SPAG16: variants seen among roughly 807,000 people sequenced by gnomAD.
SPAG16 encodes the protein sperm associated antigen 16.
A neutral mutation model predicts 80.4 loss-of-function variants in SPAG16; 86 were observed. The ratio of observed to expected loss-of-function variants is 1.07; its 90% CI spans 0.90 to 1.28. SPAG16 has a LOEUF of 1.28. SPAG16 is among the 50% of genes most tolerant of loss of function. SPAG16 has a pLI of 0.00. For missense variants in SPAG16, 870 were observed against 765.3 expected, an observed-to-expected ratio of 1.14 and a Z score of -1.61; for synonymous variants, 294 against 265.9, an observed-to-expected ratio of 1.11 and a Z score of -1.03.
chr2:213,619,503 A>G (rs2061702132), intron 10 of SPAG16, among the ~76,000 whole-genome samples: 1 of 152,208 alleles, frequency 6.6e-6, no homozygotes, highest in South Asian at 2.1e-4. Flanking sequence ...AAAACGGGCA[A>G]AGCGTATGAA....
At chr2:214,065,175 T>A (rs1158160406) in intron 13 of SPAG16, among the ~76,000 whole-genome samples, 2 of 152,068 alleles carry the variant, frequency 1.3e-5, no homozygotes, top group Non-Finnish European at 2.9e-5. Flanking sequence ...GAATCAACAC[T>A]TATATATTAT....
chr2:213,571,968 C>T (rs1230341555), intron 10 of SPAG16, among the ~76,000 whole-genome samples: 2 of 129,422 alleles, frequency 1.5e-5, no homozygotes. Context: ...AACTTCCCTT[C>T]TCGCTTCATT....
chr2:214,250,755 TATAGAG>T (rs1306349833), intron 15 of SPAG16, among the ~76,000 whole-genome samples: 1,487 of 96,610 alleles, frequency 0.015, 34 homozygotes, highest in Admixed American at 0.078. Context: ...TATATATATA[TATAGAG>T]AGAGAGAGAG....
chr2:213,666,954 CCAGTTGTAGAATG>C (rs1316905607), intron 10 of SPAG16, among the ~76,000 whole-genome samples: 1 of 152,074 alleles, frequency 6.6e-6, no homozygotes, highest in Non-Finnish European at 1.5e-5. Context: ...GCACCATAAA[CCAGTTGTAGAATG>C]CATTTCTATG....
intron 9 of SPAG16, among the ~76,000 whole-genome samples, chr2:213,463,737 T>G (rs2072515710): frequency 6.6e-6 from 1 of 152,264 alleles, no homozygotes; most frequent in Non-Finnish European, 1.5e-5. Context: ...GGAGCCCTCA[T>G]GGAGAAACTC....
At chr2:213,672,992 T>G (rs187629241) in intron 10 of SPAG16, among the ~76,000 whole-genome samples, 1 of 152,132 alleles carries the variant, frequency 6.6e-6, no homozygotes, top group East Asian at 1.9e-4. Flanking sequence ...GATCAGGTCT[T>G]TAACTTGATC....
At chr2:213,912,902 A>G (rs980815643) in intron 11 of SPAG16, among the ~76,000 whole-genome samples, 1 of 152,196 alleles carries the variant, frequency 6.6e-6, no homozygotes, top group Non-Finnish European at 1.5e-5. Flanking sequence ...ATAGACTTCA[A>G]ATTTCAAATA....
intron 12 of SPAG16, among the ~76,000 whole-genome samples, chr2:213,988,009 AAACT>A (rs2046102084): frequency 6.6e-6 from 1 of 151,772 alleles, no homozygotes; most frequent in African/African-American, 2.4e-5. Flanking sequence ...ATACTTGCAA[AAACT>A]AACCAGCTGA....
At chr2:213,420,519 G>T (rs750283341) in intron 9 of SPAG16, among the ~76,000 whole-genome samples, 1 of 152,150 alleles carries the variant, frequency 6.6e-6, no homozygotes, top group Non-Finnish European at 1.5e-5. Context: ...AAAGTCAAAG[G>T]CCAAGAAAAT....
At chr2:213,656,176 A>G (rs2063213784) in intron 10 of SPAG16, among the ~76,000 whole-genome samples, 1 of 152,212 alleles carries the variant, frequency 6.6e-6, no homozygotes, top group African/African-American at 2.4e-5. Context: ...ATTATGCACA[A>G]GTATTAATTG....
intron 10 of SPAG16, among the ~76,000 whole-genome samples, chr2:213,525,106 T>G (rs2075837427): frequency 1.3e-5 from 2 of 152,008 alleles, no homozygotes; most frequent in Admixed American, 1.3e-4. Flanking sequence ...ATAGTGAGTG[T>G]GTTCTTACAA....
chr2:213,544,134 G>A (rs1260326200), intron 10 of SPAG16, among the ~76,000 whole-genome samples: 1 of 151,292 alleles, frequency 6.6e-6, no homozygotes, highest in Non-Finnish European at 1.5e-5. Context: ...TTCTCTCCTA[G>A]TTAGTCCATC....
chr2:213,611,172 G>T (rs1444129498), intron 10 of SPAG16, among the ~76,000 whole-genome samples: 1 of 152,132 alleles, frequency 6.6e-6, no homozygotes, highest in Admixed American at 6.5e-5. Flanking sequence ...CTCATGTGTT[G>T]TCCCTCCCAC....
At chr2:213,501,904 C>T (rs2074759241) in intron 10 of SPAG16, among the ~76,000 whole-genome samples, 1 of 152,048 alleles carries the variant, frequency 6.6e-6, no homozygotes, top group African/African-American at 2.4e-5. Context: ...AACAAGCCAA[C>T]AAAAAATTCC....
chr2:214,328,214 G>C (rs1047549459), intron 15 of SPAG16, among the ~76,000 whole-genome samples: 6 of 151,324 alleles, frequency 4.0e-5, no homozygotes, highest in African/African-American at 1.5e-4. Flanking sequence ...GGAATGCAGT[G>C]GTGCGATCTT....
intron 15 of SPAG16, among the ~76,000 whole-genome samples, chr2:214,321,080 C>G (rs993305521): frequency 6.6e-6 from 1 of 152,090 alleles, no homozygotes; most frequent in African/African-American, 2.4e-5. Flanking sequence ...CTACAGTAAG[C>G]TGTACTTGGT....
At chr2:213,689,074 C>T (rs1018362285) in intron 10 of SPAG16, among the ~76,000 whole-genome samples, 1 of 152,182 alleles carries the variant, frequency 6.6e-6, no homozygotes, top group South Asian at 2.1e-4. Context: ...ATTCTCCTGC[C>T]TCAGCCTCCT....
At chr2:214,292,746 A>G (rs1693886679) in intron 15 of SPAG16, among the ~76,000 whole-genome samples, 1 of 152,120 alleles carries the variant, frequency 6.6e-6, no homozygotes, top group South Asian at 2.1e-4. Context: ...CCTCACATTG[A>G]TATCTGTGCA....
intron 14 of SPAG16, among the ~76,000 whole-genome samples, chr2:214,115,702 C>A (rs1410498307): frequency 6.6e-6 from 1 of 151,938 alleles, no homozygotes; most frequent in Non-Finnish European, 1.5e-5. Context: ...TATGGTGAAA[C>A]CCTGTCTCTA....
Sources: gnomAD v4.1 joint callset for allele counts (sites outside exome capture counted in the v4.1 genomes callset) on GRCh38, gnomAD v4.1.1 for gene constraint, MANE v1.5 for transcripts, NCBI Gene and HGNC (gene_info 2026-07-23, HGNC 2026-07-21) for gene names.